KLC1: variants seen among roughly 807,000 people sequenced by gnomAD.
KLC1 encodes kinesin 2 60/70kDa.
In KLC1, 30 loss-of-function variants were observed where a neutral mutation model predicts 84.2. That is an observed-to-expected ratio of 0.36 (90% CI 0.27 to 0.48). KLC1 has a LOEUF of 0.48. Among genes scored for constraint, KLC1 ranks in the 20% least tolerant of loss-of-function variants. The pLI is 0.99. For synonymous variants in KLC1, 289 were observed against 293.3 expected (o/e 0.99, Z 0.15); for missense variants, 499 against 805.4 (o/e 0.62, Z 4.60).
intron 1 of KLC1, among the ~76,000 whole-genome samples, chr14:103,651,743 C>T (rs908729171): frequency 6.6e-6 from 1 of 152,100 alleles, no homozygotes; most frequent in African/African-American, 2.4e-5. Flanking sequence ...GGTGCCGTCA[C>T]ACCTCTGCCT....
At chr14:103,668,864 A>G (rs1156837203) in intron 5 of KLC1, among the ~76,000 whole-genome samples, 9 of 145,672 alleles carry the variant, frequency 6.2e-5, no homozygotes, top group East Asian at 4.2e-4. Context: ...TGCAAGCTCC[A>G]CCTCCCAGGT....
At chr14:103,682,680 T>G (rs1049352065) in intron 13 of KLC1, 2 of 150,994 alleles carry the variant, frequency 1.3e-5, no homozygotes, top group African/African-American at 2.4e-5. Flanking sequence ...CAAGAGTGTC[T>G]CGAGAAAAAA....
At chr14:103,674,981 T>C (rs2080756467) in intron 9 of KLC1, among the ~76,000 whole-genome samples, 1 of 152,160 alleles carries the variant, frequency 6.6e-6, no homozygotes, top group Non-Finnish European at 1.5e-5. Flanking sequence ...TTTCCTCCAG[T>C]GTGAACCTAA....
chr14:103,639,825 C>T (rs1421620694), intron 1 of KLC1, among the ~76,000 whole-genome samples: 1 of 151,896 alleles, frequency 6.6e-6, no homozygotes, highest in East Asian at 1.9e-4. Context: ...ATGGTGCAAT[C>T]ATGTTTCACT....
chr14:103,657,796 A>G lies in KLC1; in HGVS notation c.492+20A>G, dbSNP rs1384062322. 1.3e-6 allele frequency: 2 copies of G among 1,553,666 alleles called. No homozygotes were observed. Among genetic ancestry groups the G allele is most frequent in the Non-Finnish European group, 1.8e-6 (2 of 1,128,738 alleles). On this transcript the variant is annotated intron_variant, in intron 3 of 16. Transcript: ENST00000334553. ...CCATCCGTGAGTGGCTCTGTAGCAA[A>G]TGTGGTGCTAATGTTTAAAATGGAG...
chr14:103,689,602 T>A (rs1255956360), intron 14 of KLC1, among the ~76,000 whole-genome samples: 1 of 152,256 alleles, frequency 6.6e-6, no homozygotes, highest in Middle Eastern at 3.4e-3. Context: ...CACCCCTGAG[T>A]TTCCAATTCC....
Position 103,698,669 on chromosome 14 carries a change from G to T in KLC1, c.1849-1986G>T, listed in dbSNP as rs552955847. The T allele has an allele frequency of 6.0e-6, 5 of 830,222 alleles. No homozygotes were observed. In the African/African-American group the frequency reaches 6.8e-5, roughly 11 times the overall value. The allele number at this position is 830,222 out of a possible 1,614,324, so 51.4% of individuals were successfully genotyped here. A position where few individuals can be genotyped will look rare whatever the true frequency, so the allele number is the denominator to read the frequency against. On this transcript the variant is annotated intron_variant, in intron 15 of 16. Transcript: ENST00000334553. ...CATCTTCGGATGAGAAAGTGGAGCC[G>T]CTGCCCTGGAAGAGCTGTGTCTGAA... is the stretch of plus-strand genomic sequence containing the variant.
At chr14:103,696,997 CG>C in intron 15 of KLC1, 1 of 985,414 alleles carries the variant, frequency 1.0e-6, no homozygotes, top group South Asian at 4.7e-5. Flanking sequence ...CCAGCATGGG[CG>C]GGGCCGGCCG....
chr14:103,643,619 C>CA (rs1261009511), intron 1 of KLC1, among the ~76,000 whole-genome samples: 2 of 152,136 alleles, frequency 1.3e-5, no homozygotes, highest in Non-Finnish European at 2.9e-5. Context: ...AGACATCAAT[C>CA]AGATACATTT....
intron 5 of KLC1, among the ~76,000 whole-genome samples, chr14:103,668,355 G>C (rs904979516): frequency 6.6e-6 from 1 of 152,266 alleles, no homozygotes; most frequent in Non-Finnish European, 1.5e-5. Context: ...CAGTGGCCTA[G>C]ATGGGAAGGT....
intron 5 of KLC1, among the ~76,000 whole-genome samples, chr14:103,664,502 T>C (rs2079577440): frequency 1.1e-5 from 1 of 92,970 alleles, no homozygotes; most frequent in Non-Finnish European, 3.0e-5. Flanking sequence ...GATATTTGCA[T>C]TTAGCTCTTA....
chr14:103,700,765 C>T (rs367611166), intron 16 of KLC1, 38 bp downstream of exon 16: 8 of 1,505,888 alleles, frequency 5.3e-6, no homozygotes, highest in Non-Finnish European at 6.3e-6. Context: ...AAGCAGGCAG[C>T]TGGGCCAGGG....
chr14:103,695,247 TGA>T (rs1451548926), intron 15 of KLC1: 1 of 704,876 alleles, frequency 1.4e-6, no homozygotes, highest in African/African-American at 2.0e-5. Context: ...GAGGATCACT[TGA>T]GCCCAGTTCA....
intron 13 of KLC1, chr14:103,685,610 G>GGTTTT (rs1204578367): frequency 7.8e-7 from 1 of 1,289,290 alleles, no homozygotes; most frequent in Non-Finnish European, 1.0e-6. Context: ...GTTTCACGTG[G>GGTTTT]GTTTTCTCTC....
At chr14:103,666,820 G>A (rs1221970874) in intron 5 of KLC1, among the ~76,000 whole-genome samples, 6 of 145,658 alleles carry the variant, frequency 4.1e-5, no homozygotes, top group African/African-American at 1.5e-4. Flanking sequence ...TCTGTCGCCC[G>A]GGCTGGCATG....
At chr14:103,676,601 A>C (rs115010035) in intron 11 of KLC1, among the ~76,000 whole-genome samples, 88 of 152,226 alleles carry the variant, frequency 5.8e-4, no homozygotes, top group African/African-American at 2.0e-3. Context: ...GACTCAGCCT[A>C]CCATTCATCT....
chr14:103,647,304 A>G (rs536136333), intron 1 of KLC1, among the ~76,000 whole-genome samples: 45 of 151,628 alleles, frequency 3.0e-4, no homozygotes, highest in African/African-American at 8.5e-4. Flanking sequence ...GCTTACTGCA[A>G]CCTCCACTTT....
intron 5 of KLC1, among the ~76,000 whole-genome samples, chr14:103,667,274 G>C (rs895062755): frequency 6.6e-6 from 1 of 151,782 alleles, no homozygotes; most frequent in Non-Finnish European, 1.5e-5. Flanking sequence ...ACCACACCCA[G>C]CTAATTTTTG....
intron 1 of KLC1, among the ~76,000 whole-genome samples, chr14:103,637,668 T>A (rs574876489): frequency 6.6e-6 from 1 of 152,208 alleles, no homozygotes. Context: ...GCATTTGTTT[T>A]GTCTGGTTGT....
Sources: gnomAD v4.1 joint callset for allele counts (sites outside exome capture counted in the v4.1 genomes callset) on GRCh38, gnomAD v4.1.1 for gene constraint, MANE v1.5 for transcripts, NCBI Gene and HGNC (gene_info 2026-07-23, HGNC 2026-07-21) for gene names.